The following C1orf21 variants were observed in gnomAD, a reference collection of about 807,000 sequenced individuals.
C1orf21 encodes uncharacterized protein C1orf21.
In C1orf21, 3 loss-of-function variants were observed where a neutral mutation model predicts 18.7. That is an observed-to-expected ratio of 0.16 (90% CI 0.07 to 0.42). The LOEUF (loss-of-function observed/expected upper bound fraction) is 0.42. Among genes scored for constraint, C1orf21 ranks in the 10% least tolerant of loss-of-function variants. The probability of loss-of-function intolerance (pLI) is 0.99; values close to 1 mark genes in which losing one functional copy is unlikely to be tolerated. For synonymous variants in C1orf21, 41 were observed against 46.4 expected, an observed-to-expected ratio of 0.88 and a Z score of 0.47; for missense variants, 104 against 143.6, an observed-to-expected ratio of 0.72 and a Z score of 1.41.
At chr1:184,432,881 G>T (rs74131672) in intron 1 of C1orf21, among the ~76,000 whole-genome samples, 10,941 of 152,142 alleles carry the variant, frequency 0.072, 561 homozygotes, top group African/African-American at 0.14. Flanking sequence ...ATATAATTTT[G>T]CCGTTTTCTT....
intron 3 of C1orf21, among the ~76,000 whole-genome samples, chr1:184,582,233 T>G (rs1659285424): frequency 6.6e-6 from 1 of 152,266 alleles, no homozygotes; most frequent in Non-Finnish European, 1.5e-5. Context: ...ATTGTTTTCT[T>G]AGAGATTACA....
chr1:184,508,402 T>C (rs893333965), intron 3 of C1orf21, among the ~76,000 whole-genome samples: 1 of 152,196 alleles, frequency 6.6e-6, no homozygotes, highest in African/African-American at 2.4e-5. Flanking sequence ...GTTGTTTATA[T>C]TTTATTTTTT....
chr1:184,489,895 T>A (rs1657792313), intron 2 of C1orf21, among the ~76,000 whole-genome samples: 1 of 152,258 alleles, frequency 6.6e-6, no homozygotes, highest in Non-Finnish European at 1.5e-5. Flanking sequence ...TAATTTCTTC[T>A]TTGTATTTTT....
intron 1 of C1orf21, among the ~76,000 whole-genome samples, chr1:184,460,734 A>C (rs116761174): frequency 8.6e-6 from 1 of 116,368 alleles, no homozygotes; most frequent in Non-Finnish European, 1.8e-5. Context: ...TTTTTAAGAA[A>C]TGGGGTCTCA....
intron 3 of C1orf21, among the ~76,000 whole-genome samples, chr1:184,573,654 A>G (rs2101991058): frequency 6.6e-6 from 1 of 152,318 alleles, no homozygotes; most frequent in East Asian, 1.9e-4. Flanking sequence ...CTACACAGGA[A>G]AAGCGTTAAC....
chr1:184,507,669 A>T lies in C1orf21; in HGVS notation c.176A>T (p.Asn59Ile). 1 of 1,588,130 alleles carries T rather than the reference A, an allele frequency of 6.3e-7. No homozygotes were observed. The highest frequency in any genetic ancestry group is 1.9e-5 in the Admixed American group (1 of 51,638). The change falls in exon 3 of 6, where the codon AAC (asparagine) becomes ATC (isoleucine). Residue 59 changes from asparagine to isoleucine, a missense_variant. Physicochemically the swap from Asn to Ile is moderately radical, Grantham distance 149. Transcript: ENST00000235307. ...AEEEQKIAAR[N>I]QENLEKSASS... ...GAAGAGCAGAAAATAGCAGCCAGGA[A>T]CCAAGAAAACTTGGTAAGAATTGAT...
intron 1 of C1orf21, among the ~76,000 whole-genome samples, chr1:184,470,842 G>A (rs1657484572): frequency 6.6e-6 from 1 of 151,510 alleles, no homozygotes; most frequent in African/African-American, 2.4e-5. Context: ...TCACACCACT[G>A]CACTCCAGCT....
chr1:184,519,731 T>C (rs981805716), intron 3 of C1orf21, among the ~76,000 whole-genome samples: 5 of 152,212 alleles, frequency 3.3e-5, no homozygotes, highest in Non-Finnish European at 7.3e-5. Context: ...GTGAGGTAGC[T>C]TCACCCAACA....
chr1:184,411,570 C>T (rs956871858), intron 1 of C1orf21, among the ~76,000 whole-genome samples: 1 of 151,832 alleles, frequency 6.6e-6, no homozygotes, highest in Non-Finnish European at 1.5e-5. Context: ...TACAGGCGCC[C>T]GCCATCACGC....
At chr1:184,414,383 C>T (rs963451186) in intron 1 of C1orf21, among the ~76,000 whole-genome samples, 2 of 152,142 alleles carry the variant, frequency 1.3e-5, no homozygotes, top group African/African-American at 2.4e-5. Flanking sequence ...CCTGCCTCGG[C>T]GTTTCAAAGT....
chr1:184,502,993 A>G (rs1657999941), intron 2 of C1orf21, among the ~76,000 whole-genome samples: 1 of 147,986 alleles, frequency 6.8e-6, no homozygotes, highest in Admixed American at 6.9e-5. Flanking sequence ...TGGGAGGATC[A>G]CTTGAGCCTG....
At chr1:184,513,519 A>G (rs1007422936) in intron 3 of C1orf21, among the ~76,000 whole-genome samples, 6 of 152,244 alleles carry the variant, frequency 3.9e-5, no homozygotes, top group Admixed American at 3.3e-4. Flanking sequence ...AGAACAGTGG[A>G]TACCCTCTTA....
Position 184,480,796 on chromosome 1 carries a change from A to C in C1orf21, c.94+3193A>C, listed in dbSNP as rs1571378395. Among the ~76,000 whole-genome samples the C allele has an allele frequency of 2.6e-5, 4 of 152,282 alleles. No individual in the cohort carries two copies. The South Asian group carries it at 8.3e-4, about 32-fold the overall frequency. On this transcript the variant is annotated intron_variant, in intron 2 of 5. Transcript: ENST00000235307. ...TAAAGGGGGACTTGGCATGAATGGC[A>C]TTCAGAGGAGGGAGTGAGCAGTTGG... is the stretch of plus-strand genomic sequence containing the variant.
intron 1 of C1orf21, among the ~76,000 whole-genome samples, chr1:184,389,330 G>T (rs1287863221): frequency 2.6e-5 from 4 of 152,166 alleles, no homozygotes; most frequent in Non-Finnish European, 5.9e-5. Context: ...TGGTAGAGAG[G>T]TCTCACATCC....
chr1:184,614,931 T>G (rs867654535), intron 5 of C1orf21, among the ~76,000 whole-genome samples: 15 of 152,230 alleles, frequency 9.9e-5, no homozygotes, highest in African/African-American at 3.4e-4. Context: ...TAACAGGCCA[T>G]GGACCAGTAG....
At chr1:184,589,588 C>T (rs575284534) in intron 3 of C1orf21, among the ~76,000 whole-genome samples, 1 of 152,310 alleles carries the variant, frequency 6.6e-6, no homozygotes, top group African/African-American at 2.4e-5. Flanking sequence ...TTCATGAAAA[C>T]ATTCTGAAGT....
At chr1:184,466,523 G>C (rs1383885992) in intron 1 of C1orf21, among the ~76,000 whole-genome samples, 1 of 152,174 alleles carries the variant, frequency 6.6e-6, no homozygotes, top group Non-Finnish European at 1.5e-5. Flanking sequence ...CAAAAGTCTT[G>C]TGCATTTCTT....
At position 184,625,995 on chromosome 1, in the gene C1orf21, C is replaced by A. The variant is rs1169532518; in HGVS notation, c.*6439C>A. On this transcript the variant is annotated 3_prime_UTR_variant, in exon 6 of 6. Coordinates refer to ENST00000235307, the MANE Select transcript of C1orf21 (RefSeq NM_030806.4). ...CTTGACTGGCATTTCAGCAGCTCCACTGGGATGCTCTAACCCCAGTGTGTG... is the reference window on the plus strand; with the variant it reads ...CTTGACTGGCATTTCAGCAGCTCCAATGGGATGCTCTAACCCCAGTGTGTG... The A allele has an allele frequency of 6.6e-6, 1 of 152,270 alleles. No homozygotes were observed. Among genetic ancestry groups the A allele is most frequent in the Non-Finnish European group, 1.5e-5 (1 of 68,058 alleles). 9.4% of individuals were successfully genotyped at this position (152,270 alleles called of 1,614,324 possible).
intron 2 of C1orf21, among the ~76,000 whole-genome samples, chr1:184,506,111 G>GA (rs537991541): frequency 3.0e-4 from 45 of 152,086 alleles, no homozygotes; most frequent in Non-Finnish European, 5.6e-4. Flanking sequence ...ATATATTTAG[G>GA]ACCTGGTATT....
Sources: gnomAD v4.1 joint callset for allele counts (sites outside exome capture counted in the v4.1 genomes callset) on GRCh38, gnomAD v4.1.1 for gene constraint, MANE v1.5 for transcripts, NCBI Gene and HGNC (gene_info 2026-07-23, HGNC 2026-07-21) for gene names.